Variants in KAT6B observed in about 807,000 individuals in gnomAD.
KAT6B encodes histone acetyltransferase KAT6B.
Under a neutral mutation model 187.5 loss-of-function variants are expected in KAT6B, and 10 were observed. The observed-to-expected ratio is 0.05, with a 90% CI of 0.03 to 0.09. The LOEUF is 0.09. Ranked by LOEUF, KAT6B falls within the 10% of genes least tolerant of loss-of-function variation. The pLI, the probability that KAT6B is intolerant of heterozygous loss-of-function variation, is 1.00. For missense variants in KAT6B, 1,952 were observed against 2,558.9 expected, an observed-to-expected ratio of 0.76 and a Z score of 5.12; for synonymous variants, 861 against 926.8, an observed-to-expected ratio of 0.93 and a Z score of 1.29.
chr10:75,024,455 A>G lies in KAT6B; in HGVS notation c.3373-503A>G, dbSNP rs115438752. On this transcript the variant is annotated intron_variant, in intron 16 of 17. Coordinates refer to ENST00000287239, the MANE Select transcript of KAT6B (RefSeq NM_012330.4). ...TTCCTTTTCATAGCCCTGAAGTCCT[A>G]TGGAATGAGAAAAAGTAGGCTGGTC... is the stretch of plus-strand genomic sequence containing the variant. Among the ~76,000 whole-genome samples, 917 of 152,246 alleles carry G rather than the reference A, an allele frequency of 6.0e-3. 8 individuals carry two copies. Among genetic ancestry groups the G allele is most frequent in the African/African-American group, 0.021 (876 of 41,540 alleles).
chr10:74,989,820 G>A (rs1481011757), intron 13 of KAT6B, among the ~76,000 whole-genome samples: 23 of 151,922 alleles, frequency 1.5e-4, no homozygotes, highest in Admixed American at 1.3e-3. Context: ...TGTGTTAGGG[G>A]TACATTTGGA....
At chr10:74,836,680 G>T (rs946684307) in intron 1 of KAT6B, among the ~76,000 whole-genome samples, 8 of 152,154 alleles carry the variant, frequency 5.3e-5, no homozygotes, top group African/African-American at 1.9e-4. Context: ...GTTAACCAAG[G>T]ACACTATTTT....
intron 3 of KAT6B, among the ~76,000 whole-genome samples, chr10:74,942,991 GATA>G (rs1214041775): frequency 6.6e-6 from 1 of 152,046 alleles, no homozygotes; most frequent in African/African-American, 2.4e-5. Flanking sequence ...AAGTATTAAT[GATA>G]ATACTAATAC....
At chr10:74,873,197 A>G (rs1844135542) in intron 3 of KAT6B, among the ~76,000 whole-genome samples, 1 of 152,074 alleles carries the variant, frequency 6.6e-6, no homozygotes, top group Non-Finnish European at 1.5e-5. Context: ...ATGGTGGCTC[A>G]CGGCTATAAT....
At chr10:74,980,981 G>A (rs1222758309) in intron 10 of KAT6B, among the ~76,000 whole-genome samples, 1 of 152,222 alleles carries the variant, frequency 6.6e-6, no homozygotes, top group South Asian at 2.1e-4. Context: ...AGCCTCATAT[G>A]TATGCAGATT....
At chr10:74,907,849 A>C (rs1846887545) in intron 3 of KAT6B, among the ~76,000 whole-genome samples, 1 of 152,208 alleles carries the variant, frequency 6.6e-6, no homozygotes, top group Admixed American at 6.5e-5. Flanking sequence ...TTTCCAATGC[A>C]AAACATTGCA....
intron 13 of KAT6B, among the ~76,000 whole-genome samples, chr10:74,997,171 G>A (rs1018665573): frequency 6.6e-6 from 1 of 151,902 alleles, no homozygotes; most frequent in Admixed American, 6.6e-5. Context: ...ACACCAGCCT[G>A]GGCAACACAA....
intron 3 of KAT6B, among the ~76,000 whole-genome samples, chr10:74,914,151 A>G (rs1589610228): frequency 6.6e-6 from 1 of 151,352 alleles, no homozygotes; most frequent in Non-Finnish European, 1.5e-5. Context: ...ACGCCAGTGC[A>G]CTCCAGCCTG....
At chr10:74,939,253 G>A (rs1849487780) in intron 3 of KAT6B, among the ~76,000 whole-genome samples, 1 of 152,146 alleles carries the variant, frequency 6.6e-6, no homozygotes, top group Admixed American at 6.6e-5. Context: ...AAGGCTGTGA[G>A]GATGTATGGG....
chr10:74,894,542 A>G (rs570102309), intron 3 of KAT6B, among the ~76,000 whole-genome samples: 1 of 152,300 alleles, frequency 6.6e-6, no homozygotes, highest in Non-Finnish European at 1.5e-5. Context: ...TGTAAAACCG[A>G]AACTCTGTAC....
intron 4 of KAT6B, among the ~76,000 whole-genome samples, chr10:74,963,938 A>C (rs1040395697): frequency 1.5e-4 from 23 of 152,110 alleles, no homozygotes; most frequent in Admixed American, 1.2e-3. Context: ...AGCCTGGCCA[A>C]CATGGTGAAA....
At position 74,976,266 on chromosome 10, in the gene KAT6B, G is replaced by A. The variant is rs1842154803; in HGVS notation, c.1929G>A (p.Met643Ile). The part of the protein sequence containing the change: ...GRLKYKVTPQ[M>I]GTPSPGKGSL... ...TAAAATATAAAGTGACCCCTCAGAT[G>A]GGGACCCCCTCACCAGGGAAGGGGA... The change falls in exon 8 of 18, where the codon ATG becomes ATA. Residue 643 changes from methionine (M) to isoleucine (I), a missense_variant. Met to Ile is a conservative substitution (Grantham distance 10). Transcript: ENST00000287239. 3.7e-6 allele frequency: 6 copies of A among 1,614,066 alleles called. No individual in the cohort carries two copies. Among genetic ancestry groups the A allele is most frequent in the Non-Finnish European group, 5.1e-6 (6 of 1,180,002 alleles).
intron 1 of KAT6B, among the ~76,000 whole-genome samples, chr10:74,834,206 T>G (rs1292431440): frequency 2.0e-5 from 3 of 152,060 alleles, no homozygotes; most frequent in African/African-American, 4.8e-5. Context: ...ATTTCTGTTT[T>G]TTTTTTTTTT....
At chr10:74,990,066 A>T (rs1385586456) in intron 13 of KAT6B, among the ~76,000 whole-genome samples, 1 of 151,816 alleles carries the variant, frequency 6.6e-6, no homozygotes, top group African/African-American at 2.4e-5. Context: ...GTGGTGGCAC[A>T]CACCTGTACT....
At position 74,979,168 on chromosome 10, in the gene KAT6B, C is replaced by T. The variant is rs187252050; in HGVS notation, c.2116-56C>T. 75 of 1,295,316 alleles carry T rather than the reference C, an allele frequency of 5.8e-5. 1 individual carries two copies. In the African/African-American group the frequency reaches 9.7e-4, roughly 17 times the overall value. 80.2% of individuals were successfully genotyped at this position (1,295,316 alleles called of 1,614,324 possible). A position where few individuals can be genotyped will look rare whatever the true frequency, so the allele number is the denominator to read the frequency against. ...GTTTTGATAGTCACTGGTGAAAGAACCAAAATGTAAGTGAAGTATATATAT... is the reference window on the plus strand; with the variant it reads ...GTTTTGATAGTCACTGGTGAAAGAATCAAAATGTAAGTGAAGTATATATAT... On this transcript the variant is annotated intron_variant, in intron 9 of 17. Coordinates refer to ENST00000287239, the MANE Select transcript of KAT6B (RefSeq NM_012330.4).
At chr10:74,893,858 G>A (rs1162241473) in intron 3 of KAT6B, among the ~76,000 whole-genome samples, 2 of 152,200 alleles carry the variant, frequency 1.3e-5, no homozygotes, top group African/African-American at 4.8e-5. Flanking sequence ...GTAGACTGGA[G>A]TGGATTTTAG....
rs373622709 is a variant in KAT6B at position 74,892,949 on chromosome 10, G to A, written c.621+49471G>A. On this transcript the variant is annotated intron_variant, in intron 3 of 17. Transcript: ENST00000287239. ...TGTATGGAGAGAGGACAGCAAAAAC[G>A]CTTGACATTTCCTGTGGGCCTGGTG... is the stretch of plus-strand genomic sequence containing the variant. Among the ~76,000 whole-genome samples, 94 of 152,320 alleles carry A rather than the reference G, an allele frequency of 6.2e-4. No homozygotes were observed. In the South Asian group the frequency reaches 0.019, roughly 30 times the overall value.
chr10:74,840,479 A>T (rs1010312192), intron 2 of KAT6B, among the ~76,000 whole-genome samples: 1 of 152,228 alleles, frequency 6.6e-6, no homozygotes, highest in Non-Finnish European at 1.5e-5. Flanking sequence ...AGGAATAGGA[A>T]TAGGGTCGAA....
intron 11 of KAT6B, 49 bp downstream of exon 11, chr10:74,981,977 CT>C: frequency 6.5e-7 from 1 of 1,536,408 alleles, no homozygotes; most frequent in Non-Finnish European, 9.0e-7. Context: ...TCTAGTACTC[CT>C]AATTGTTGAC....
Sources: gnomAD v4.1 joint callset for allele counts (sites outside exome capture counted in the v4.1 genomes callset) on GRCh38, gnomAD v4.1.1 for gene constraint, MANE v1.5 for transcripts, NCBI Gene and HGNC (gene_info 2026-07-23, HGNC 2026-07-21) for gene names.